Variants in CALCR observed in about 807,000 individuals in gnomAD.
CALCR encodes the protein calcitonin receptor.
CALCR carries 47 observed loss-of-function variants against 59.5 expected under a neutral mutation model. The observed-to-expected ratio is 0.79, with a 90% CI of 0.63 to 1.01. The LOEUF is 1.01. Ranked by LOEUF, CALCR falls within the 50% of genes least tolerant of loss-of-function variation. The probability of loss-of-function intolerance (pLI) is 0.00; values close to 1 mark genes in which losing one functional copy is unlikely to be tolerated. For synonymous variants in CALCR, 213 were observed against 211.3 expected, an observed-to-expected ratio of 1.01 and a Z score of -0.07; for missense variants, 566 against 597.1, an observed-to-expected ratio of 0.95 and a Z score of 0.54.
At chr7:93,492,719 T>C (rs1801110727) in intron 2 of CALCR, among the ~76,000 whole-genome samples, 1 of 151,326 alleles carries the variant, frequency 6.6e-6, no homozygotes, top group South Asian at 2.1e-4. Flanking sequence ...ATAACTCAAA[T>C]GCAGACTGGG....
chr7:93,489,686 G>C (rs1801031542), intron 2 of CALCR, among the ~76,000 whole-genome samples: 1 of 149,204 alleles, frequency 6.7e-6, no homozygotes, highest in East Asian at 2.0e-4. Context: ...TAAATTCCTG[G>C]TAACCTCCCA....
chr7:93,454,916 T>TTTG (rs1393217396), intron 8 of CALCR, among the ~76,000 whole-genome samples: 2,308 of 144,990 alleles, frequency 0.016, 53 homozygotes, highest in African/African-American at 0.053. Flanking sequence ...ACAGGGCATT[T>TTTG]TGTGTGTGTG....
chr7:93,566,243 T>G (rs562141134), intron 2 of CALCR, among the ~76,000 whole-genome samples: 1 of 152,272 alleles, frequency 6.6e-6, no homozygotes, highest in Admixed American at 6.5e-5. Context: ...ATATCACATT[T>G]CACTTTTTTT....
chr7:93,557,750 G>A (rs1789645218), intron 2 of CALCR, among the ~76,000 whole-genome samples: 1 of 151,930 alleles, frequency 6.6e-6, no homozygotes, highest in Non-Finnish European at 1.5e-5. Context: ...ATAGAAGGTA[G>A]ATATCTGCTT....
At chr7:93,533,121 A>ATAGT (rs1385735853) in intron 2 of CALCR, among the ~76,000 whole-genome samples, 2 of 151,912 alleles carry the variant, frequency 1.3e-5, no homozygotes, top group Admixed American at 6.6e-5. Flanking sequence ...CTCTAATAAC[A>ATAGT]TAGTTTTGTT....
intron 8 of CALCR, among the ~76,000 whole-genome samples, chr7:93,444,211 G>T (rs886164935): frequency 2.0e-5 from 3 of 152,058 alleles, no homozygotes; most frequent in Admixed American, 2.0e-4. Context: ...AGAGAGTCAG[G>T]TGATAAATTT....
chr7:93,484,233 A>T (rs1800871433), intron 3 of CALCR, among the ~76,000 whole-genome samples: 1 of 151,802 alleles, frequency 6.6e-6, no homozygotes, highest in East Asian at 2.0e-4. Flanking sequence ...AAATGGTCAT[A>T]TGCTTATGCA....
intron 2 of CALCR, among the ~76,000 whole-genome samples, chr7:93,519,823 A>G (rs1341401504): frequency 2.6e-5 from 4 of 150,956 alleles, no homozygotes; most frequent in Non-Finnish European, 5.9e-5. Flanking sequence ...CTGCTCGCTC[A>G]CTCTTCTCTC....
At chr7:93,491,961 T>C (rs1287421899) in intron 2 of CALCR, among the ~76,000 whole-genome samples, 1 of 151,950 alleles carries the variant, frequency 6.6e-6, no homozygotes, top group African/African-American at 2.4e-5. Flanking sequence ...CGTATGTTTA[T>C]TGCAGCACTA....
At chr7:93,438,661 G>T (rs111326236) in intron 9 of CALCR, among the ~76,000 whole-genome samples, 154 of 152,310 alleles carry the variant, frequency 1.0e-3, no homozygotes, top group African/African-American at 3.5e-3. Context: ...GGAGGGATGT[G>T]ACCTGGGACG....
intron 2 of CALCR, among the ~76,000 whole-genome samples, chr7:93,508,201 T>C (rs1448733065): frequency 3.3e-5 from 5 of 152,154 alleles, no homozygotes; most frequent in Non-Finnish European, 5.9e-5. Context: ...AATGTTGACA[T>C]AAGATAATTC....
intron 2 of CALCR, among the ~76,000 whole-genome samples, chr7:93,502,033 CTCTG>C (rs887397020): frequency 6.6e-6 from 1 of 152,050 alleles, no homozygotes; most frequent in South Asian, 2.1e-4. Flanking sequence ...TATCAAGAAA[CTCTG>C]TCTGTTATCC....
intron 2 of CALCR, among the ~76,000 whole-genome samples, chr7:93,510,314 G>A (rs546933958): frequency 1.3e-5 from 2 of 152,210 alleles, no homozygotes; most frequent in Admixed American, 1.3e-4. Context: ...ATGTCCATGG[G>A]GGAAAGGTCC....
At chr7:93,487,435 G>A (rs1800970278) in intron 2 of CALCR, among the ~76,000 whole-genome samples, 1 of 151,276 alleles carries the variant, frequency 6.6e-6, no homozygotes, top group South Asian at 2.1e-4. Flanking sequence ...ATGCCCTCTA[G>A]GTAGTCTAAG....
At chr7:93,521,481 C>CA (rs1180444017) in intron 2 of CALCR, among the ~76,000 whole-genome samples, 2 of 151,402 alleles carry the variant, frequency 1.3e-5, no homozygotes, top group East Asian at 3.9e-4. Flanking sequence ...TCCCTAAGCA[C>CA]AAAAAACAAA....
chr7:93,517,049 G>A (rs1801664760), intron 2 of CALCR, among the ~76,000 whole-genome samples: 2 of 151,810 alleles, frequency 1.3e-5, no homozygotes, highest in South Asian at 4.1e-4. Flanking sequence ...TGAGAAGCAG[G>A]TATCATAAGG....
intron 2 of CALCR, among the ~76,000 whole-genome samples, chr7:93,552,062 T>G (rs1035290968): frequency 2.0e-5 from 3 of 152,082 alleles, no homozygotes; most frequent in Admixed American, 2.0e-4. Context: ...AGATACACAC[T>G]AAAACTCAGG....
rs2116287209 is a variant in CALCR at position 93,568,513 on chromosome 7, CTCT to C, written c.-27+5773_-27+5775del. Among the ~76,000 whole-genome samples the C allele has an allele frequency of 8.1e-5, 3 of 37,146 alleles. No homozygotes were observed. In the East Asian group the frequency reaches 1.9e-3, roughly 23 times the overall value. The allele number at this position is 37,146 out of a possible 152,430, so 24.4% of individuals were successfully genotyped here. A position where few individuals can be genotyped will look rare whatever the true frequency, so the allele number is the denominator to read the frequency against. On this transcript the variant is annotated intron_variant, in intron 2 of 13. Coordinates refer to ENST00000426151, the MANE Select transcript of CALCR (RefSeq NM_001742.4). ...CCTGGTTTCCATAAAATTACTTTCT[CTCT>C]CTCTCTCTCTCTCTCTCTCTCTCTC... is the stretch of plus-strand genomic sequence containing the variant.
At chr7:93,550,598 A>AACACAGACACAC (rs1171419433) in intron 2 of CALCR, among the ~76,000 whole-genome samples, 19 of 121,928 alleles carry the variant, frequency 1.6e-4, no homozygotes, top group Middle Eastern at 8.3e-3. Context: ...ATTTGGGCTA[A>AACACAGACACAC]ACACACACAC....
Sources: allele counts gnomAD v4.1 joint callset (sites outside exome capture counted in the v4.1 genomes callset), GRCh38; gene constraint gnomAD v4.1.1; transcripts MANE v1.5; gene names NCBI Gene and HGNC (gene_info 2026-07-23, HGNC 2026-07-21).